KHDC1: variants seen among roughly 807,000 people sequenced by gnomAD.
The protein encoded by KHDC1 is KH homology domain-containing protein 1.
Under a neutral mutation model 24.7 loss-of-function variants are expected in KHDC1, and 21 were observed. The ratio of observed to expected loss-of-function variants is 0.85; its 90% CI spans 0.60 to 1.23. The LOEUF (loss-of-function observed/expected upper bound fraction) is 1.23, where lower values mean the gene tolerates loss of function less well. KHDC1 is among the 50% of genes most tolerant of loss of function. KHDC1 has a pLI of 0.00. For missense variants in KHDC1, 274 were observed against 298.5 expected, an observed-to-expected ratio of 0.92 and a Z score of 0.61; for synonymous variants, 98 against 111.7, an observed-to-expected ratio of 0.88 and a Z score of 0.77.
At chr6:73,265,631 A>C (rs1374635826) in intron 2 of KHDC1, among the ~76,000 whole-genome samples, 1 of 150,684 alleles carries the variant, frequency 6.6e-6, no homozygotes, top group African/African-American at 2.4e-5. Flanking sequence ...GAGGAGTTTG[A>C]GTAAGCCTTT....
At chr6:73,283,528 C>T (rs1767455335) in intron 2 of KHDC1, among the ~76,000 whole-genome samples, 1 of 151,972 alleles carries the variant, frequency 6.6e-6, no homozygotes, top group Non-Finnish European at 1.5e-5. Flanking sequence ...CCCAGGCCTC[C>T]CAAAGTGCTG....
At chr6:73,302,866 C>T (rs1767901654) in intron 1 of KHDC1, among the ~76,000 whole-genome samples, 1 of 152,186 alleles carries the variant, frequency 6.6e-6, no homozygotes, top group African/African-American at 2.4e-5. Flanking sequence ...CACATGAGGA[C>T]AGGAGTTTGA....
At chr6:73,252,255 G>A (rs182408825) in intron 2 of KHDC1, among the ~76,000 whole-genome samples, 1 of 152,038 alleles carries the variant, frequency 6.6e-6, no homozygotes, top group Non-Finnish European at 1.5e-5. Context: ...TGTTGCCCAG[G>A]CTGGTCTCTA....
chr6:73,292,905 AC>A, intron 1 of KHDC1: 1 of 801,092 alleles, frequency 1.2e-6, no homozygotes, highest in Non-Finnish European at 2.1e-6. Context: ...GTGCTTGTGA[AC>A]GACTTCTTGG....
At chr6:73,243,996 G>T (rs1766621669) in intron 2 of KHDC1, among the ~76,000 whole-genome samples, 2 of 152,150 alleles carry the variant, frequency 1.3e-5, no homozygotes, top group South Asian at 4.2e-4. Context: ...TGGAATTGGA[G>T]CTCCCAGAGT....
At chr6:73,249,682 G>C (rs548185234) in intron 2 of KHDC1, among the ~76,000 whole-genome samples, 1 of 152,252 alleles carries the variant, frequency 6.6e-6, no homozygotes, top group South Asian at 2.1e-4. Context: ...ACAGAAAGAC[G>C]GACACATCTG....
intron 2 of KHDC1, among the ~76,000 whole-genome samples, chr6:73,272,794 A>T (rs561496542): frequency 6.6e-6 from 1 of 151,420 alleles, no homozygotes; most frequent in South Asian, 2.1e-4. Context: ...AAAGAAAAAA[A>T]CAGGGAGAGA....
At chr6:73,301,981 A>G (rs1767886144) in intron 1 of KHDC1, among the ~76,000 whole-genome samples, 1 of 152,054 alleles carries the variant, frequency 6.6e-6, no homozygotes, top group South Asian at 2.1e-4. Flanking sequence ...TCATTTATGT[A>G]TATGTTTAGA....
intron 1 of KHDC1, chr6:73,299,968 C>G (rs1377328165): frequency 3.9e-5 from 6 of 152,216 alleles, no homozygotes; most frequent in Non-Finnish European, 8.8e-5. Flanking sequence ...TGGTTCCCCA[C>G]CTTCTCAGGA....
chr6:73,294,222 A>G (rs1209484820), intron 1 of KHDC1, among the ~76,000 whole-genome samples: 6 of 152,152 alleles, frequency 3.9e-5, no homozygotes, highest in African/African-American at 1.4e-4. Flanking sequence ...CACAAGAATG[A>G]AGATTTTGCT....
chr6:73,259,360 G>A (rs1766938865), intron 2 of KHDC1, among the ~76,000 whole-genome samples: 1 of 140,302 alleles, frequency 7.1e-6, no homozygotes. Context: ...ATTCATAGGT[G>A]CAGTTATAGT....
rs889704979 is a variant in KHDC1 at position 73,296,472 on chromosome 6, A to G, written c.164-4432T>C. ...CATCAAAAAAAAATTAAACACACAC[A>G]TACACAAATCTAATGTATCAGATAT... On this transcript the variant is annotated intron_variant, in intron 1 of 4. Transcript: ENST00000370384. Among the ~76,000 whole-genome samples, 84 of 152,268 alleles carry G rather than the reference A, an allele frequency of 5.5e-4. 1 individual carries two copies. The highest frequency in any genetic ancestry group is 1.9e-3 in the African/African-American group (81 of 41,592).
chr6:73,286,685 C>T (rs1415043602), intron 2 of KHDC1, among the ~76,000 whole-genome samples: 4 of 152,034 alleles, frequency 2.6e-5, no homozygotes, highest in Non-Finnish European at 5.9e-5. Flanking sequence ...AGTTTGAGAC[C>T]AGCCTGACGA....
At chr6:73,242,436 T>G (rs1168449449) in exon 3 of KHDC1, 12 of 1,614,076 alleles carry the variant, frequency 7.4e-6, no homozygotes, top group Non-Finnish European at 1.0e-5. Flanking sequence ...TCCTCTTCCA[T>G]GTGAAACACC....
chr6:73,277,992 C>CTCT, intron 2 of KHDC1, among the ~76,000 whole-genome samples: 1 of 76,656 alleles, frequency 1.3e-5, no homozygotes, highest in Middle Eastern at 6.3e-3. Context: ...GATGCTTTCT[C>CTCT]TCTCTCTCTC....
At chr6:73,266,504 G>A (rs1023273377) in intron 2 of KHDC1, among the ~76,000 whole-genome samples, 1 of 152,330 alleles carries the variant, frequency 6.6e-6, no homozygotes, top group African/African-American at 2.4e-5. Context: ...TTCAACAAGG[G>A]TGCCAAGACC....
intron 2 of KHDC1, among the ~76,000 whole-genome samples, chr6:73,247,754 G>A (rs887614170): frequency 7.2e-5 from 11 of 151,774 alleles, no homozygotes; most frequent in Non-Finnish European, 1.5e-4. Flanking sequence ...CTACTCGGGA[G>A]GCTGAGGTAG....
chr6:73,252,748 C>G (rs1359455090), intron 2 of KHDC1, among the ~76,000 whole-genome samples: 2 of 151,246 alleles, frequency 1.3e-5, no homozygotes, highest in Non-Finnish European at 2.9e-5. Flanking sequence ...GTCTGGTAAA[C>G]GAAGGTTGCA....
intron 2 of KHDC1, among the ~76,000 whole-genome samples, chr6:73,255,849 C>T (rs995453899): frequency 2.7e-5 from 4 of 147,208 alleles, no homozygotes; most frequent in African/African-American, 1.0e-4. Flanking sequence ...TTGCAGTGAG[C>T]TGAGATCACG....
Sources: gnomAD v4.1 joint callset for allele counts (sites outside exome capture counted in the v4.1 genomes callset) on GRCh38, gnomAD v4.1.1 for gene constraint, MANE v1.5 for transcripts, NCBI Gene and HGNC (gene_info 2026-07-23, HGNC 2026-07-21) for gene names.